The following SLC9A2 variants were observed in gnomAD, a reference collection of about 807,000 sequenced individuals.
The protein encoded by SLC9A2 is sodium/hydrogen exchanger 2.
SLC9A2 carries 42 observed loss-of-function variants against 71.7 expected under a neutral mutation model. The ratio of observed to expected loss-of-function variants is 0.59; its 90% confidence interval spans 0.46 to 0.76. The LOEUF (loss-of-function observed/expected upper bound fraction) is 0.76, where lower values mean the gene tolerates loss of function less well. Ranked by LOEUF, SLC9A2 falls within the 30% of genes least tolerant of loss-of-function variation. The probability of loss-of-function intolerance (pLI) is 0.00; values close to 1 mark genes in which losing one functional copy is unlikely to be tolerated. For synonymous variants in SLC9A2, 396 were observed against 392.5 expected (o/e 1.01, Z -0.10); for missense variants, 829 against 1,017.4 (o/e 0.81, Z 2.52).
In SLC9A2 at chr2:102,684,279, G is replaced by T; in HGVS notation, c.1368G>T (p.Arg456=). 6.2e-7 allele frequency: 1 copy of T among 1,614,088 alleles called. No homozygotes were observed. The highest frequency in any genetic ancestry group is 8.5e-7 in the Non-Finnish European group (1 of 1,180,008). Residue 456 remains arginine (R), a synonymous_variant, in exon 5 of 12, where the codon CGG becomes CGT. Coordinates refer to ENST00000233969, the MANE Select transcript of SLC9A2 (RefSeq NM_003048.6). ...TCCTTCCTGCTGCTGTGTTTCCTCG[G>T]AAAAAATTGTTTATTACGGCTGCCA... is the stretch of plus-strand genomic sequence containing the variant. ...VFLLPAAVFP[R]KKLFITAAIV...
chr2:102,709,388 C>T lies in SLC9A2; in HGVS notation c.*899C>T, dbSNP rs1269856392. ...CTGGTGGGTTTTATGTTGTGCAATACTAGGAGGAGGAGGCAGGTGATCTAT... is the reference window on the plus strand; with the variant it reads ...CTGGTGGGTTTTATGTTGTGCAATATTAGGAGGAGGAGGCAGGTGATCTAT... On this transcript the variant is annotated 3_prime_UTR_variant, in exon 12 of 12. Transcript: ENST00000233969. The T allele has an allele frequency of 6.6e-6, 1 of 152,474 alleles. No homozygotes were observed. The highest frequency in any genetic ancestry group is 1.5e-5 in the Non-Finnish European group (1 of 68,040). The allele number at this position is 152,474 out of a possible 1,614,324, so 9.4% of individuals were successfully genotyped here.
At chr2:102,622,995 G>C (rs1676172488) in intron 1 of SLC9A2, among the ~76,000 whole-genome samples, 1 of 152,158 alleles carries the variant, frequency 6.6e-6, no homozygotes, top group African/African-American at 2.4e-5. Context: ...CTTTCATTAT[G>C]TGGTATTTTG....
chr2:102,690,968 CA>C (rs57709703), intron 5 of SLC9A2, among the ~76,000 whole-genome samples: 59,130 of 130,960 alleles, frequency 0.45, 12,577 homozygotes, highest in Middle Eastern at 0.56. Context: ...TCATTTTCTT[CA>C]AAAAAAAAAA....
At chr2:102,648,302 C>A (rs1676766470) in intron 1 of SLC9A2, among the ~76,000 whole-genome samples, 1 of 152,096 alleles carries the variant, frequency 6.6e-6, no homozygotes, top group South Asian at 2.1e-4. Context: ...CCCCTTCATG[C>A]CAAAAACCCT....
rs147432558 is a variant in SLC9A2 at position 102,647,242 on chromosome 2, G to A, written c.290-10322G>A. On this transcript the variant is annotated intron_variant, in intron 1 of 11. Coordinates refer to ENST00000233969, the MANE Select transcript of SLC9A2 (RefSeq NM_003048.6). ...GTAAAAAACTGAACAACTTGCTCCCGGATGACTACTGGGTAAATAAATTAA... is the reference window on the plus strand; with the variant it reads ...GTAAAAAACTGAACAACTTGCTCCCAGATGACTACTGGGTAAATAAATTAA... Among the ~76,000 whole-genome samples, 1,078 of 152,104 alleles carry A rather than the reference G, an allele frequency of 7.1e-3. 9 individuals carry two copies. The highest frequency in any genetic ancestry group is 0.024 in the African/African-American group (986 of 41,484).
At chr2:102,692,692 T>A (rs1191341095) in intron 5 of SLC9A2, among the ~76,000 whole-genome samples, 2 of 152,240 alleles carry the variant, frequency 1.3e-5, no homozygotes, top group Non-Finnish European at 2.9e-5. Context: ...CTGGTTACAT[T>A]TACTTTTCCA....
Position 102,693,582 on chromosome 2 carries a change from C to T in SLC9A2, c.1426-832C>T, listed in dbSNP as rs192789672. Among the ~76,000 whole-genome samples, 240 of 152,260 alleles carry T rather than the reference C, an allele frequency of 1.6e-3. 1 individual carries two copies. The highest frequency in any genetic ancestry group is 5.5e-3 in the African/African-American group (230 of 41,572). On this transcript the variant is annotated intron_variant, in intron 5 of 11. Coordinates refer to ENST00000233969, the MANE Select transcript of SLC9A2 (RefSeq NM_003048.6). ...CACTCATGAACGTGCCCAGACTGGCCGCAAGCCCCCTCTCACTGCGGTGCT... is the reference window on the plus strand; with the variant it reads ...CACTCATGAACGTGCCCAGACTGGCTGCAAGCCCCCTCTCACTGCGGTGCT...
At chr2:102,649,940 C>T (rs977228029) in intron 1 of SLC9A2, among the ~76,000 whole-genome samples, 7 of 152,142 alleles carry the variant, frequency 4.6e-5, no homozygotes, top group Admixed American at 3.3e-4. Context: ...CCAGAATTAC[C>T]ATTTGACCCA....
Position 102,695,104 on chromosome 2 carries a change from G to T in SLC9A2, c.1577G>T (p.Trp526Leu). The change falls in exon 7 of 12, where the codon TGG becomes TTG. Residue 526 changes from tryptophan to leucine, a missense_variant. Transcript: ENST00000233969. ...DVCGHWGHNF[W>L]RDKFKKFDDK... ...TGTGGACATTGGGGTCACAACTTTT[G>T]GAGAGACAAGTAAGAAGGTCTTATG... 6.2e-7 allele frequency: 1 copy of T among 1,613,112 alleles called. No individual in the cohort carries two copies. Among genetic ancestry groups the T allele is most frequent in the Non-Finnish European group, 8.5e-7 (1 of 1,179,208 alleles).
chr2:102,678,032 G>C (rs1265422584), intron 3 of SLC9A2, among the ~76,000 whole-genome samples: 1 of 152,140 alleles, frequency 6.6e-6, no homozygotes, highest in Non-Finnish European at 1.5e-5. Flanking sequence ...TGATAGGTGA[G>C]CTTATCCATG....
At chr2:102,636,195 G>A (rs1279797698) in intron 1 of SLC9A2, among the ~76,000 whole-genome samples, 2 of 152,144 alleles carry the variant, frequency 1.3e-5, no homozygotes, top group African/African-American at 2.4e-5. Flanking sequence ...TAAGCAAATG[G>A]GAAGACAAAG....
intron 3 of SLC9A2, among the ~76,000 whole-genome samples, chr2:102,673,366 G>A (rs1346438390): frequency 6.7e-6 from 1 of 148,324 alleles, no homozygotes; most frequent in Non-Finnish European, 1.5e-5. Context: ...TAAAAAGATA[G>A]GATATTGATA....
chr2:102,681,366 C>T (rs1677450083), intron 3 of SLC9A2, among the ~76,000 whole-genome samples: 2 of 152,054 alleles, frequency 1.3e-5, no homozygotes. Context: ...GCCACCATGC[C>T]CGGCCCAGTA....
intron 3 of SLC9A2, among the ~76,000 whole-genome samples, chr2:102,674,641 C>T (rs1185251327): frequency 1.3e-5 from 2 of 152,202 alleles, no homozygotes; most frequent in African/African-American, 2.4e-5. Context: ...TAGTCAGGAG[C>T]CCAGCTGAAA....
chr2:102,628,177 AAAT>A (rs1280053499), intron 1 of SLC9A2, among the ~76,000 whole-genome samples: 4 of 152,212 alleles, frequency 2.6e-5, no homozygotes, highest in Admixed American at 6.5e-5. Flanking sequence ...TCTTTAATAC[AAAT>A]AATAATAACA....
chr2:102,679,868 G>A (rs1228079434), intron 3 of SLC9A2, among the ~76,000 whole-genome samples: 2 of 152,120 alleles, frequency 1.3e-5, no homozygotes, highest in Non-Finnish European at 2.9e-5. Flanking sequence ...ATTTTTGAAT[G>A]ATTCAAAAAA....
chr2:102,691,300 A>G (rs1031330816), intron 5 of SLC9A2, among the ~76,000 whole-genome samples: 2 of 149,270 alleles, frequency 1.3e-5, no homozygotes, highest in African/African-American at 2.4e-5. Flanking sequence ...TATTTTTTTT[A>G]TTCTGTATGG....
At chr2:102,623,199 C>G (rs1676177233) in intron 1 of SLC9A2, among the ~76,000 whole-genome samples, 1 of 152,146 alleles carries the variant, frequency 6.6e-6, no homozygotes. Context: ...TGGAACGTCT[C>G]TGGCTACTAC....
At chr2:102,659,622 A>G (rs1677014610) in intron 2 of SLC9A2, among the ~76,000 whole-genome samples, 1 of 152,216 alleles carries the variant, frequency 6.6e-6, no homozygotes, top group South Asian at 2.1e-4. Flanking sequence ...TTTGTAGTAT[A>G]GATATTTTAA....
Sources: allele counts gnomAD v4.1 joint callset (sites outside exome capture counted in the v4.1 genomes callset), GRCh38; gene constraint gnomAD v4.1.1; transcripts MANE v1.5; gene names NCBI Gene and HGNC (gene_info 2026-07-23, HGNC 2026-07-21).